ZNF518A: variants seen among roughly 807,000 people sequenced by gnomAD.
The protein encoded by ZNF518A is zinc finger protein 518.
Under a neutral mutation model 102.7 loss-of-function variants are expected in ZNF518A, and 47 were observed. The ratio of observed to expected loss-of-function variants is 0.46; its 90% CI spans 0.36 to 0.58. ZNF518A has a LOEUF of 0.58. ZNF518A is among the 20% of genes least tolerant of loss of function. The pLI is 0.00. For synonymous variants in ZNF518A, 652 were observed against 594.6 expected (o/e 1.10, Z -1.40); for missense variants, 1,793 against 1,699.8 (o/e 1.05, Z -0.96).
intron 1 of ZNF518A, among the ~76,000 whole-genome samples, chr10:96,184,648 G>A (rs1297891143): frequency 6.6e-6 from 1 of 152,224 alleles, no homozygotes; most frequent in Non-Finnish European, 1.5e-5. Flanking sequence ...CTTCTGGCTT[G>A]TAGAGTTTCT....
At chr10:96,146,583 C>G (rs1480494952) in intron 3 of ZNF518A, among the ~76,000 whole-genome samples, 1 of 152,096 alleles carries the variant, frequency 6.6e-6, no homozygotes, top group African/African-American at 2.4e-5. Flanking sequence ...GGGTCTTTTG[C>G]CTAGTTTGTA....
intron 3 of ZNF518A, among the ~76,000 whole-genome samples, chr10:96,143,066 G>A (rs1258484968): frequency 6.6e-6 from 1 of 152,016 alleles, no homozygotes; most frequent in African/African-American, 2.4e-5. Context: ...CTTTGGCCTC[G>A]CAAAGTGTTG....
intron 1 of ZNF518A, among the ~76,000 whole-genome samples, chr10:96,198,780 C>A (rs2083543675): frequency 6.6e-6 from 1 of 152,254 alleles, no homozygotes; most frequent in South Asian, 2.1e-4. Flanking sequence ...CTCACTGCAA[C>A]TTCCGCCTCC....
chr10:96,182,311 T>G (rs1057015898), intron 1 of ZNF518A, among the ~76,000 whole-genome samples: 7 of 152,216 alleles, frequency 4.6e-5, no homozygotes, highest in African/African-American at 1.7e-4. Context: ...CCTAATTGAA[T>G]ACCCTTTATT....
intron 1 of ZNF518A, among the ~76,000 whole-genome samples, chr10:96,131,500 G>A (rs2081336150): frequency 6.6e-6 from 1 of 152,146 alleles, no homozygotes; most frequent in African/African-American, 2.4e-5. Context: ...CCTGGGGAAG[G>A]TAAGCATAGT....
downstream of ZNF518A, among the ~76,000 whole-genome samples, chr10:96,165,694 C>G (rs781931360): frequency 6.6e-6 from 1 of 152,078 alleles, no homozygotes; most frequent in African/African-American, 2.4e-5. Context: ...ACCATTCTTT[C>G]TATCCTCCAG....
At position 96,159,271 on chromosome 10, in the gene ZNF518A, TAATG is replaced by T; in HGVS notation, c.2950_2953del (p.Asn984GlyfsTer20). 6.2e-7 allele frequency: 1 copy of T among 1,613,530 alleles called. No individual in the cohort carries two copies. On this transcript the variant is annotated frameshift_variant, in exon 6 of 6. Coordinates refer to ENST00000316045, the MANE Select transcript of ZNF518A (RefSeq NM_001330736.2). LOFTEE classifies it high-confidence loss of function. ...AACCTGGGATGGTTTTAACACTTAATAATGGGAAACTTGAAGGTGTTTCCGCTGT... is the reference window on the plus strand; with the variant it reads ...AACCTGGGATGGTTTTAACACTTAATGGAAACTTGAAGGTGTTTCCGCTGT...
At chr10:96,176,388 C>T (rs1416882888) in intron 1 of ZNF518A, among the ~76,000 whole-genome samples, 3 of 152,120 alleles carry the variant, frequency 2.0e-5, no homozygotes, top group East Asian at 3.9e-4. Flanking sequence ...GAAAATTTTC[C>T]TTAAATTTTA....
intron 1 of ZNF518A, among the ~76,000 whole-genome samples, chr10:96,181,118 T>C (rs1443127078): frequency 6.6e-6 from 1 of 152,262 alleles, no homozygotes; most frequent in African/African-American, 2.4e-5. Flanking sequence ...CTTTTTCATG[T>C]GTCTGTTGGC....
In ZNF518A at chr10:96,163,531, T is replaced by C. The variant is rs2083077384; in HGVS notation, c.*2757T>C. 6.0e-6 allele frequency: 1 copy of C among 167,096 alleles called. No homozygotes were observed. The highest frequency in any genetic ancestry group is 2.4e-5 in the African/African-American group (1 of 41,462). The allele number at this position is 167,096 out of a possible 1,614,324, so 10.4% of individuals were successfully genotyped here. A position where few individuals can be genotyped will look rare whatever the true frequency, so the allele number is the denominator to read the frequency against. On this transcript the variant is annotated 3_prime_UTR_variant, in exon 6 of 6. Coordinates refer to ENST00000316045, the MANE Select transcript of ZNF518A (RefSeq NM_001330736.2). Reference sequence around the variant, plus strand: ...AACATAATTCAGTTTTCAAAGAATTTATCTTGCTAAGTATTCAGTAACACA... The same window carrying C: ...AACATAATTCAGTTTTCAAAGAATTCATCTTGCTAAGTATTCAGTAACACA...
intron 1 of ZNF518A, among the ~76,000 whole-genome samples, chr10:96,180,550 T>C (rs1264844181): frequency 1.3e-5 from 2 of 151,752 alleles, no homozygotes; most frequent in South Asian, 2.1e-4. Context: ...TGTGTCCAAG[T>C]GTTCTCATTG....
At position 96,158,600 on chromosome 10, in the gene ZNF518A, A is replaced by G. The variant is rs782576269; in HGVS notation, c.2278A>G (p.Met760Val). Reference sequence around the variant, plus strand: ...AGACTTTTCTAATGTCGATTCACCTATGATGCCTAGAATCACATCTGTTTT... The same window carrying G: ...AGACTTTTCTAATGTCGATTCACCTGTGATGCCTAGAATCACATCTGTTTT... The part of the protein sequence containing the change: ...WEDFSNVDSP[M>V]MPRITSVFSL... Residue 760 changes from methionine (M) to valine (V), a missense_variant, in exon 6 of 6, where the codon ATG (methionine) becomes GTG (valine). Physicochemically the swap from Met to Val is conservative, Grantham distance 21 (BLOSUM62 1). Coordinates refer to ENST00000316045, the MANE Select transcript of ZNF518A (RefSeq NM_001330736.2). 7.4e-6 allele frequency: 12 copies of G among 1,613,306 alleles called. No homozygotes were observed. Among genetic ancestry groups the G allele is most frequent in the African/African-American group, 2.7e-5 (2 of 74,932 alleles).
Position 96,132,185 on chromosome 10 carries a change from G to T in ZNF518A, c.-452-401G>T, listed in dbSNP as rs587643584. Among the ~76,000 whole-genome samples, 5 of 151,596 alleles carry T rather than the reference G, an allele frequency of 3.3e-5. No individual in the cohort carries two copies. In the East Asian group the frequency reaches 9.7e-4, roughly 29 times the overall value. On this transcript the variant is annotated intron_variant, in intron 1 of 5. Coordinates refer to ENST00000316045, the MANE Select transcript of ZNF518A (RefSeq NM_001330736.2). ...AGGTGTGTAGGCTGTGAGTATTTCA[G>T]TTCTATATGGGGTATTGGCTTCTCA...
In ZNF518A at chr10:96,157,007, C is replaced by G. The variant is rs1379562873; in HGVS notation, c.685C>G (p.His229Asp). Reference sequence around the variant, plus strand: ...CACATTTGTTCAGCACATTCATAGACATAATGAAATTCATTATAAGTGTGG... The same window carrying G: ...CACATTTGTTCAGCACATTCATAGAGATAATGAAATTCATTATAAGTGTGG... ...VGTFVQHIHR[H>D]NEIHYKCGKC... The change falls in exon 6 of 6, where the codon CAT becomes GAT. Residue 229 changes from histidine (H) to aspartate (D), a missense_variant. His to Asp is a moderately conservative substitution (Grantham distance 81, BLOSUM62 -1). Transcript: ENST00000316045. 1.9e-6 allele frequency: 3 copies of G among 1,613,656 alleles called. No homozygotes were observed. The African/African-American group carries it at 4.0e-5, about 22-fold the overall frequency.
intron 1 of ZNF518A, among the ~76,000 whole-genome samples, chr10:96,181,982 T>C (rs1175491434): frequency 7.9e-5 from 12 of 152,244 alleles, no homozygotes; most frequent in Admixed American, 7.8e-4. Flanking sequence ...TGGAATGTTC[T>C]TCCATTTGTT....
intron 1 of ZNF518A, among the ~76,000 whole-genome samples, chr10:96,176,077 A>G (rs1478838486): frequency 2.0e-5 from 3 of 152,088 alleles, no homozygotes; most frequent in Non-Finnish European, 1.5e-5. Context: ...CTTCAGGTGC[A>G]TGGCACCCTG....
intron 3 of ZNF518A, among the ~76,000 whole-genome samples, chr10:96,154,456 T>G (rs1372984616): frequency 2.0e-5 from 3 of 150,298 alleles, no homozygotes; most frequent in African/African-American, 5.0e-5. Context: ...CCTTCCTGCC[T>G]TCTTTTCTTT....
chr10:96,175,927 C>T (rs1591275363), intron 1 of ZNF518A, among the ~76,000 whole-genome samples: 1 of 136,656 alleles, frequency 7.3e-6, no homozygotes, highest in African/African-American at 2.6e-5. Flanking sequence ...TCCTTCCTTC[C>T]TTCCTTCCTT....
chr10:96,187,943 T>C (rs1554892770), intron 1 of ZNF518A, among the ~76,000 whole-genome samples: 1 of 152,208 alleles, frequency 6.6e-6, no homozygotes, highest in Non-Finnish European at 1.5e-5. Flanking sequence ...CCTCCCAGGT[T>C]CAAGTGATTC....
Sources: allele counts gnomAD v4.1 joint callset (sites outside exome capture counted in the v4.1 genomes callset), GRCh38; gene constraint gnomAD v4.1.1; transcripts MANE v1.5; gene names NCBI Gene and HGNC (gene_info 2026-07-23, HGNC 2026-07-21).